The following ATP8B1 variants were observed in gnomAD, a reference collection of about 807,000 sequenced individuals.
ATP8B1 encodes phospholipid-transporting ATPase IC.
In ATP8B1, 80 loss-of-function variants were observed where a neutral mutation model predicts 149.9. The ratio of observed to expected loss-of-function variants is 0.53; its 90% CI spans 0.45 to 0.64. ATP8B1 has a LOEUF of 0.64. Among genes scored for constraint, ATP8B1 ranks in the 30% least tolerant of loss-of-function variants. ATP8B1 has a pLI of 0.00. For missense variants in ATP8B1, 1,247 were observed against 1,552.6 expected, an observed-to-expected ratio of 0.80 and a Z score of 3.31; for synonymous variants, 536 against 562.8, an observed-to-expected ratio of 0.95 and a Z score of 0.67.
intron 15 of ATP8B1, among the ~76,000 whole-genome samples, chr18:57,681,157 G>C (rs1911948601): frequency 6.6e-6 from 1 of 152,152 alleles, no homozygotes; most frequent in Non-Finnish European, 1.5e-5. Context: ...CATGAAAAAG[G>C]TTCAATTTAA....
rs900263396 is a variant in ATP8B1 at position 57,727,608 on chromosome 18, G to A, written c.181+4019C>T. On this transcript the variant is annotated intron_variant, in intron 2 of 27. Transcript: ENST00000648908. Reference sequence around the variant, plus strand: ...GATCGAGACCATCCTGGCCAACATGGTGAAACTCTGTCTCTACTAAAAATA... The same window carrying A: ...GATCGAGACCATCCTGGCCAACATGATGAAACTCTGTCTCTACTAAAAATA... 3.9e-5 allele frequency among the ~76,000 whole-genome samples: 6 copies of A among 152,120 alleles called. No individual in the cohort carries two copies. The East Asian group carries it at 1.2e-3, about 29-fold the overall frequency.
At chr18:57,753,402 A>G (rs1599194562) in intron 1 of ATP8B1, among the ~76,000 whole-genome samples, 1 of 152,242 alleles carries the variant, frequency 6.6e-6, no homozygotes. Context: ...CTATTTCTAC[A>G]TGTGTTTGAA....
At chr18:57,747,591 G>A (rs948377860) in intron 1 of ATP8B1, among the ~76,000 whole-genome samples, 1 of 152,052 alleles carries the variant, frequency 6.6e-6, no homozygotes, top group Non-Finnish European at 1.5e-5. Flanking sequence ...TTGTAAATCT[G>A]TCTCAAATTT....
intron 1 of ATP8B1, among the ~76,000 whole-genome samples, chr18:57,761,105 AATAAAAT>A (rs1450297665): frequency 4.6e-4 from 53 of 114,894 alleles, no homozygotes; most frequent in African/African-American, 1.4e-3. Flanking sequence ...TAAAAAATAA[AATAAAAT>A]ATAAAATAAA....
At chr18:57,720,149 A>T (rs2079628601) in intron 2 of ATP8B1, among the ~76,000 whole-genome samples, 1 of 150,612 alleles carries the variant, frequency 6.6e-6, no homozygotes, top group Admixed American at 6.6e-5. Context: ...ATGGGGAAAA[A>T]ACAGAACAGA....
At chr18:57,690,059 G>A (rs1374551276) in intron 12 of ATP8B1, among the ~76,000 whole-genome samples, 1 of 152,072 alleles carries the variant, frequency 6.6e-6, no homozygotes, top group East Asian at 1.9e-4. Flanking sequence ...AAAAATCAAA[G>A]CAAAGCAAGG....
chr18:57,768,165 C>T (rs1457650776), intron 1 of ATP8B1, among the ~76,000 whole-genome samples: 1 of 151,908 alleles, frequency 6.6e-6, no homozygotes, highest in Non-Finnish European at 1.5e-5. Context: ...GCAGGCAGAT[C>T]ACCTGCAGTC....
At chr18:57,672,931 TAAC>T (rs1911337141) in intron 16 of ATP8B1, among the ~76,000 whole-genome samples, 3 of 33,210 alleles carry the variant, frequency 9.0e-5, no homozygotes, top group African/African-American at 1.4e-4. Flanking sequence ...TATATATATA[TAAC>T]ATGTATATAC....
intron 15 of ATP8B1, among the ~76,000 whole-genome samples, chr18:57,681,694 A>G (rs1036716755): frequency 9.7e-4 from 148 of 152,042 alleles, no homozygotes; most frequent in African/African-American, 3.3e-3. Flanking sequence ...CCAGCTACTC[A>G]GGAGGCTGAG....
At chr18:57,766,986 G>C (rs528464866) in intron 1 of ATP8B1, among the ~76,000 whole-genome samples, 2 of 152,314 alleles carry the variant, frequency 1.3e-5, no homozygotes, top group African/African-American at 4.8e-5. Flanking sequence ...CACAGGTCTA[G>C]AGGTAAGAAC....
At chr18:57,667,335 A>C in intron 19 of ATP8B1, 168 bp from the exon 20 acceptor site, 1 of 618,076 alleles carries the variant, frequency 1.6e-6, no homozygotes. Context: ...TGCCCATCTC[A>C]GCACCACCCG....
chr18:57,730,834 T>TATATAC (rs1432346014), intron 2 of ATP8B1, among the ~76,000 whole-genome samples: 36 of 718 alleles, frequency 0.05, no homozygotes, highest in African/African-American at 0.12. Context: ...TATATATATA[T>TATATAC]ACACACACAC....
rs150510595 is a variant in ATP8B1, at chr18:57,649,038, C to T, written c.3532-326G>A. On this transcript the variant is annotated intron_variant, in intron 27 of 27. Coordinates refer to ENST00000648908, the MANE Select transcript of ATP8B1 (RefSeq NM_001374385.1). ...TCAGCCTCCTGAGTAACTGGGGTTACAGGCACGCACTGCCACACCCGTCTA... is the reference window on the plus strand; with the variant it reads ...TCAGCCTCCTGAGTAACTGGGGTTATAGGCACGCACTGCCACACCCGTCTA... Among the ~76,000 whole-genome samples, 260 of 152,210 alleles carry T rather than the reference C, an allele frequency of 1.7e-3. 10 individuals carry two copies. In the East Asian group the frequency reaches 0.045, roughly 27 times the overall value.
chr18:57,662,686 G>T, intron 20 of ATP8B1, 71 bp from the exon 21 acceptor site: 5 of 1,533,812 alleles, frequency 3.3e-6, no homozygotes, highest in South Asian at 2.4e-5. Flanking sequence ...AGATAACTTT[G>T]ACTTAAAAAA....
intron 26 of ATP8B1, among the ~76,000 whole-genome samples, chr18:57,651,631 GT>G (rs1043451940): frequency 6.7e-6 from 1 of 150,170 alleles, no homozygotes; most frequent in East Asian, 2.0e-4. Flanking sequence ...GTTGTGCTTT[GT>G]TTTTTTTGTT....
intron 22 of ATP8B1, 149 bp from the exon 23 acceptor site, chr18:57,655,566 C>T (rs1909944093): frequency 2.6e-6 from 2 of 759,850 alleles, no homozygotes; most frequent in Non-Finnish European, 4.5e-6. Context: ...CATCCCTCAC[C>T]CCCAGCTCTT....
chr18:57,778,496 C>T (rs978272550), intron 1 of ATP8B1, among the ~76,000 whole-genome samples: 2 of 152,114 alleles, frequency 1.3e-5, no homozygotes, highest in African/African-American at 4.8e-5. Context: ...TCCCAAAGTG[C>T]TGGGATTACA....
intron 2 of ATP8B1, among the ~76,000 whole-genome samples, chr18:57,713,240 C>CTTCCTTCCTTCCTTCCTTCT (rs1555694278): frequency 1.5e-5 from 1 of 65,096 alleles, no homozygotes; most frequent in Non-Finnish European, 3.2e-5. Context: ...TCCTTCCTTC[C>CTTCCTTCCTTCCTTCCTTCT]TTCTTTCTTT....
rs113778318 is a variant in ATP8B1 at position 57,658,383 on chromosome 18, C to T, written c.2707+2791G>A. Among the ~76,000 whole-genome samples, 900 of 152,246 alleles carry T rather than the reference C, an allele frequency of 5.9e-3. 5 individuals carry two copies. Among genetic ancestry groups the T allele is most frequent in the Middle Eastern group, 0.014 (4 of 294 alleles). The stretch of plus-strand genomic sequence containing the variant: ...ATCTCTCTCCTGCTTCACGTACATT[C>T]TCAGGGTCTAAGACCAAGAAGAGAC... On this transcript the variant is annotated intron_variant, in intron 22 of 27. Coordinates refer to ENST00000648908, the MANE Select transcript of ATP8B1 (RefSeq NM_001374385.1).
Sources: gnomAD v4.1 joint callset for allele counts (sites outside exome capture counted in the v4.1 genomes callset) on GRCh38, gnomAD v4.1.1 for gene constraint, MANE v1.5 for transcripts, NCBI Gene and HGNC (gene_info 2026-07-23, HGNC 2026-07-21) for gene names.